UGT2A1: variants seen among roughly 807,000 people sequenced by gnomAD.
The protein encoded by UGT2A1 is UDP-glucuronosyltransferase 2A1.
UGT2A1 carries 61 observed loss-of-function variants against 45.4 expected under a neutral mutation model. That is an observed-to-expected ratio of 1.34 (90% CI 1.09 to 1.66). UGT2A1 has a LOEUF of 1.66. Among genes scored for constraint, UGT2A1 ranks in the 40% most tolerant of loss-of-function variants. The probability of loss-of-function intolerance (pLI) is 0.00; values close to 1 mark genes in which losing one functional copy is unlikely to be tolerated. For missense variants in UGT2A1, 649 were observed against 574.3 expected, an observed-to-expected ratio of 1.13 and a Z score of -1.33; for synonymous variants, 229 against 196.2, an observed-to-expected ratio of 1.17 and a Z score of -1.40.
intron 1 of UGT2A1, among the ~76,000 whole-genome samples, chr4:69,651,604 C>CA (rs1234375861): frequency 6.6e-6 from 1 of 152,132 alleles, no homozygotes; most frequent in African/African-American, 2.4e-5. Flanking sequence ...GTGACAGTTC[C>CA]ATGATTATCA....
intron 2 of UGT2A1, chr4:69,639,421 G>T: frequency 6.2e-7 from 1 of 1,613,242 alleles, no homozygotes; most frequent in Non-Finnish European, 8.5e-7. Flanking sequence ...GGAGAATCGG[G>T]ATTGGAGTTG....
chr4:69,638,926 A>T, intron 2 of UGT2A1: 2 of 1,605,096 alleles, frequency 1.2e-6, no homozygotes, highest in African/African-American at 1.3e-5. Context: ...TATGAATTCC[A>T]TTCTCCCCAG....
chr4:69,609,560 T>C (rs1355189489), intron 3 of UGT2A1, among the ~76,000 whole-genome samples: 1 of 151,936 alleles, frequency 6.6e-6, no homozygotes, highest in East Asian at 1.9e-4. Flanking sequence ...TAAAAGTCAG[T>C]AAATGAATTG....
chr4:69,632,960 T>C (rs1721470146), intron 3 of UGT2A1, among the ~76,000 whole-genome samples: 1 of 151,982 alleles, frequency 6.6e-6, no homozygotes, highest in Non-Finnish European at 1.5e-5. Context: ...GCACTAGAGA[T>C]TCTTGATGGC....
intron 3 of UGT2A1, among the ~76,000 whole-genome samples, chr4:69,623,451 C>G (rs1309062265): frequency 6.6e-6 from 1 of 151,690 alleles, no homozygotes; most frequent in Non-Finnish European, 1.5e-5. Context: ...AATATGAATG[C>G]ATTACCAAGT....
At chr4:69,610,171 A>G (rs1719952210) in intron 3 of UGT2A1, among the ~76,000 whole-genome samples, 1 of 152,268 alleles carries the variant, frequency 6.6e-6, no homozygotes, top group African/African-American at 2.4e-5. Context: ...ATTTTAAAAG[A>G]TATATAAAAT....
chr4:69,611,915 C>A (rs750703936), intron 3 of UGT2A1, among the ~76,000 whole-genome samples: 25 of 152,140 alleles, frequency 1.6e-4, no homozygotes, highest in Admixed American at 3.3e-4. Context: ...AATCTACCCT[C>A]ACTCTTACAA....
chr4:69,651,998 A>C (rs1012126611), intron 1 of UGT2A1, among the ~76,000 whole-genome samples: 5 of 152,140 alleles, frequency 3.3e-5, no homozygotes, highest in African/African-American at 1.2e-4. Flanking sequence ...AGTCTCTTCC[A>C]AGTACGTTTT....
chr4:69,607,876 T>C (rs1370856357), intron 3 of UGT2A1, among the ~76,000 whole-genome samples: 1 of 152,088 alleles, frequency 6.6e-6, no homozygotes, highest in Non-Finnish European at 1.5e-5. Context: ...TGAGATACCA[T>C]CTCACACCAG....
Position 69,647,611 on chromosome 4 carries a change from T to G in UGT2A1, c.34A>C (p.Ile12Leu). The G allele has an allele frequency of 6.3e-7, 1 of 1,599,270 alleles. No homozygotes were observed. Among genetic ancestry groups the G allele is most frequent in the South Asian group, 1.1e-5 (1 of 88,448 alleles). Residue 12 changes from isoleucine to leucine, a missense_variant, in exon 2 of 7, where the codon ATA becomes CTA. By Grantham distance (5) the Ile-to-Leu change is conservative. Transcript: ENST00000286604. ...CCAAGAGTGGTTCCTATGAGACTTA[T>G]CTGAAGGGAGAACAGCAGAAGGTTG... is the stretch of plus-strand genomic sequence containing the variant. ...LNNLLLFSLQ[I>L]SLIGTTLGGN...
chr4:69,613,725 A>G (rs533756345), intron 3 of UGT2A1, among the ~76,000 whole-genome samples: 1 of 152,176 alleles, frequency 6.6e-6, no homozygotes, highest in East Asian at 1.9e-4. Context: ...GACAAAATCC[A>G]TATGATTATT....
intron 3 of UGT2A1, among the ~76,000 whole-genome samples, chr4:69,624,807 T>G (rs1360654385): frequency 1.3e-5 from 2 of 151,408 alleles, no homozygotes; most frequent in Admixed American, 1.3e-4. Context: ...CATTTTGGTT[T>G]TAAGCAGTCA....
At chr4:69,628,788 G>A (rs1165811025) in intron 3 of UGT2A1, among the ~76,000 whole-genome samples, 2 of 147,766 alleles carry the variant, frequency 1.4e-5, no homozygotes, top group Admixed American at 6.9e-5. Context: ...AATAAAATAC[G>A]TGAAATGCCT....
intron 1 of UGT2A1, among the ~76,000 whole-genome samples, chr4:69,648,739 G>T (rs1722391892): frequency 6.6e-6 from 1 of 151,676 alleles, no homozygotes; most frequent in Non-Finnish European, 1.5e-5. Flanking sequence ...TTGAGTGATG[G>T]GTATACTAAA....
intron 3 of UGT2A1, among the ~76,000 whole-genome samples, chr4:69,601,470 C>T (rs946394349): frequency 1.3e-5 from 2 of 152,118 alleles, no homozygotes; most frequent in Non-Finnish European, 2.9e-5. Flanking sequence ...TTGCAAGTGC[C>T]ACCTCTTGGC....
At chr4:69,646,375 A>G (rs1722258783) in intron 2 of UGT2A1, among the ~76,000 whole-genome samples, 1 of 151,830 alleles carries the variant, frequency 6.6e-6, no homozygotes, top group East Asian at 1.9e-4. Flanking sequence ...CACTTAAGCA[A>G]ATTAAATAAG....
intron 3 of UGT2A1, among the ~76,000 whole-genome samples, chr4:69,608,425 TG>T (rs1180406494): frequency 3.2e-5 from 2 of 63,156 alleles, no homozygotes; most frequent in Non-Finnish European, 6.7e-5. Context: ...TGTTGTGGGG[TG>T]GGGGGAGGGG....
chr4:69,617,876 G>A (rs1720494512), intron 3 of UGT2A1, among the ~76,000 whole-genome samples: 1 of 151,658 alleles, frequency 6.6e-6, no homozygotes, highest in South Asian at 2.1e-4. Context: ...TCAATACTTA[G>A]TTTCCTGAGG....
intron 3 of UGT2A1, among the ~76,000 whole-genome samples, chr4:69,603,935 G>A (rs56344022): frequency 0.15 from 20,333 of 134,642 alleles, 4,598 homozygotes; most frequent in Non-Finnish European, 0.22. Flanking sequence ...CCAAATCTAC[G>A]TCTGATTGGT....
Sources: allele counts gnomAD v4.1 joint callset (sites outside exome capture counted in the v4.1 genomes callset), GRCh38; gene constraint gnomAD v4.1.1; transcripts MANE v1.5; gene names NCBI Gene and HGNC (gene_info 2026-07-23, HGNC 2026-07-21).